Variants in CDKAL1 observed in about 807,000 individuals in gnomAD.
CDKAL1 encodes the protein threonylcarbamoyladenosine tRNA methylthiotransferase.
CDKAL1 carries 32 observed loss-of-function variants against 68.2 expected under a neutral mutation model. The observed-to-expected ratio is 0.47, with a 90% CI of 0.35 to 0.63. The LOEUF (loss-of-function observed/expected upper bound fraction) is 0.63, where lower values mean the gene tolerates loss of function less well. Among genes scored for constraint, CDKAL1 ranks in the 30% least tolerant of loss-of-function variants. CDKAL1 has a pLI of 0.00. For missense variants in CDKAL1, 606 were observed against 696.7 expected (o/e 0.87, Z 1.47); for synonymous variants, 234 against 244.3 (o/e 0.96, Z 0.39).
At chr6:20,941,974 A>G (rs1461373718) in intron 9 of CDKAL1, among the ~76,000 whole-genome samples, 4 of 152,362 alleles carry the variant, frequency 2.6e-5, no homozygotes, top group Admixed American at 6.5e-5. Flanking sequence ...ATTTTAAAAT[A>G]CTGAATATTA....
intron 4 of CDKAL1, among the ~76,000 whole-genome samples, chr6:20,565,424 C>T (rs918031621): frequency 4.0e-5 from 6 of 151,802 alleles, no homozygotes; most frequent in Non-Finnish European, 7.4e-5. Flanking sequence ...CATTTTTTTC[C>T]GTTAAAAACC....
At chr6:20,558,187 T>TAACTCCC (rs1056730193) in intron 4 of CDKAL1, among the ~76,000 whole-genome samples, 1 of 152,136 alleles carries the variant, frequency 6.6e-6, no homozygotes, top group Non-Finnish European at 1.5e-5. Flanking sequence ...TTTTAAGGGG[T>TAACTCCC]AACTCCCAAC....
At chr6:21,072,869 T>G (rs1771867850) in intron 12 of CDKAL1, among the ~76,000 whole-genome samples, 1 of 152,262 alleles carries the variant, frequency 6.6e-6, no homozygotes, top group South Asian at 2.1e-4. Flanking sequence ...TACATTAGGA[T>G]TGATCCTAGG....
At chr6:21,220,977 GACA>G (rs1391542589) in intron 15 of CDKAL1, among the ~76,000 whole-genome samples, 2 of 152,052 alleles carry the variant, frequency 1.3e-5, no homozygotes, top group Non-Finnish European at 2.9e-5. Context: ...GACCAGCCCA[GACA>G]ACATGGTGAA....
intron 7 of CDKAL1, among the ~76,000 whole-genome samples, chr6:20,776,620 T>A (rs546408754): frequency 6.6e-6 from 1 of 152,344 alleles, no homozygotes; most frequent in African/African-American, 2.4e-5. Flanking sequence ...TAATGATTGC[T>A]TTTTAAAAGT....
intron 7 of CDKAL1, among the ~76,000 whole-genome samples, chr6:20,760,751 G>C (rs2150351681): frequency 6.6e-6 from 1 of 152,128 alleles, no homozygotes; most frequent in African/African-American, 2.4e-5. Context: ...TTCATCCTTT[G>C]TCTTAAGTAC....
At chr6:20,717,849 C>CT (rs1772169332) in intron 5 of CDKAL1, among the ~76,000 whole-genome samples, 1 of 152,076 alleles carries the variant, frequency 6.6e-6, no homozygotes, top group African/African-American at 2.4e-5. Flanking sequence ...TTTTTGCCTT[C>CT]TCCCTCTTCT....
intron 12 of CDKAL1, among the ~76,000 whole-genome samples, chr6:21,092,846 C>T (rs1385191305): frequency 6.7e-6 from 1 of 148,708 alleles, no homozygotes; most frequent in Non-Finnish European, 1.5e-5. Context: ...AAAAATAATT[C>T]TTAGACATTA....
chr6:20,690,246 T>A (rs946876988), intron 5 of CDKAL1, among the ~76,000 whole-genome samples: 1 of 152,242 alleles, frequency 6.6e-6, no homozygotes, highest in Non-Finnish European at 1.5e-5. Flanking sequence ...CTATAAGTTG[T>A]ATATATTTTT....
chr6:21,060,725 G>A (rs1363825514), intron 11 of CDKAL1, among the ~76,000 whole-genome samples: 2 of 152,038 alleles, frequency 1.3e-5, no homozygotes, highest in African/African-American at 2.4e-5. Context: ...TTCAGTTCAA[G>A]ATATTTTTCT....
rs145894251 is a variant in CDKAL1 at position 21,191,992 on chromosome 6, C to CTTTTTTTTTTTTTTTTTTTTT, written c.1300-6009_1300-5989dup. Among the ~76,000 whole-genome samples, 4 of 34,530 alleles carry CTTTTTTTTTTTTTTTTTTTTT rather than the reference C, an allele frequency of 1.2e-4. 2 individuals carry two copies. The highest frequency in any genetic ancestry group is 2.2e-4 in the Non-Finnish European group (4 of 18,288). 22.7% of individuals were successfully genotyped at this position (34,530 alleles called of 152,430 possible). A position where few individuals can be genotyped will look rare whatever the true frequency, so the allele number is the denominator to read the frequency against. Reference sequence around the variant, plus strand: ...AGGAATATTTTTATAATTCATTTTTCTTTTTTTTTTTTTTTTTTTTTTTTT... The same window carrying CTTTTTTTTTTTTTTTTTTTTT: ...AGGAATATTTTTATAATTCATTTTTCTTTTTTTTTTTTTTTTTTTTTTTTTTTTTTTTTTTTTTTTTTTTTT... On this transcript the variant is annotated intron_variant, in intron 13 of 15. Transcript: ENST00000274695.
At chr6:20,638,332 T>C (rs1561986794) in intron 4 of CDKAL1, among the ~76,000 whole-genome samples, 4 of 152,222 alleles carry the variant, frequency 2.6e-5, no homozygotes, top group African/African-American at 9.6e-5. Flanking sequence ...AAGAACCATA[T>C]GTGTTTCATT....
At chr6:20,600,771 C>CATACAT (rs1554161083) in intron 4 of CDKAL1, among the ~76,000 whole-genome samples, 1 of 124,176 alleles carries the variant, frequency 8.1e-6, no homozygotes, top group African/African-American at 2.9e-5. Flanking sequence ...TATATGTATA[C>CATACAT]ATATATATAT....
At chr6:20,737,066 A>C (rs1773229426) in intron 5 of CDKAL1, among the ~76,000 whole-genome samples, 1 of 152,176 alleles carries the variant, frequency 6.6e-6, no homozygotes, top group Non-Finnish European at 1.5e-5. Flanking sequence ...TCCCAATTAC[A>C]GAAATTATTT....
chr6:21,141,806 A>G (rs1775927979), intron 13 of CDKAL1, among the ~76,000 whole-genome samples: 1 of 152,132 alleles, frequency 6.6e-6, no homozygotes, highest in Non-Finnish European at 1.5e-5. Flanking sequence ...CCCAGCCAAC[A>G]CTGTTCAAAG....
intron 9 of CDKAL1, among the ~76,000 whole-genome samples, chr6:20,940,490 G>A (rs1412158384): frequency 1.3e-5 from 2 of 152,112 alleles, no homozygotes; most frequent in African/African-American, 4.8e-5. Flanking sequence ...TACAGGTTAA[G>A]TATATTTTAA....
rs1263927351 is a variant in CDKAL1 at position 21,041,275 on chromosome 6, G to A, written c.1056-23773G>A. Among the ~76,000 whole-genome samples the A allele has an allele frequency of 3.9e-5, 6 of 152,278 alleles. No individual in the cohort carries two copies. In the East Asian group the frequency reaches 5.8e-4, roughly 15 times the overall value. On this transcript the variant is annotated intron_variant, in intron 11 of 15. Coordinates refer to ENST00000274695, the MANE Select transcript of CDKAL1 (RefSeq NM_017774.3). ...CAGGTGATTTGTGAGGTAACCTGCCGTTATGTTAGGCAGTAATAGAAAACA... is the reference window on the plus strand; with the variant it reads ...CAGGTGATTTGTGAGGTAACCTGCCATTATGTTAGGCAGTAATAGAAAACA...
chr6:20,928,142 T>C (rs899844500), intron 9 of CDKAL1, among the ~76,000 whole-genome samples: 2 of 152,136 alleles, frequency 1.3e-5, no homozygotes, highest in African/African-American at 4.8e-5. Flanking sequence ...TGCCAATCAA[T>C]AGTAACCATC....
In CDKAL1 at chr6:21,204,440, A is replaced by G. The variant is rs181839777; in HGVS notation, c.1548+3166A>G. Among the ~76,000 whole-genome samples the G allele has an allele frequency of 2.9e-3, 435 of 152,304 alleles. 9 individuals are homozygous for G. Among genetic ancestry groups the G allele is most frequent in the Admixed American group, 0.026 (393 of 15,294 alleles). On this transcript the variant is annotated intron_variant, in intron 15 of 15. Coordinates refer to ENST00000274695, the MANE Select transcript of CDKAL1 (RefSeq NM_017774.3). ...TAGTAAATACCTCTAAAAGATAAAGATTCCTTTTACAAACATAATCCCAAT... is the reference window on the plus strand; with the variant it reads ...TAGTAAATACCTCTAAAAGATAAAGGTTCCTTTTACAAACATAATCCCAAT...
Sources: gnomAD v4.1 joint callset for allele counts (sites outside exome capture counted in the v4.1 genomes callset) on GRCh38, gnomAD v4.1.1 for gene constraint, MANE v1.5 for transcripts, NCBI Gene and HGNC (gene_info 2026-07-23, HGNC 2026-07-21) for gene names.